Variants in CRB1 observed in about 807,000 individuals in gnomAD.
The protein encoded by CRB1 is protein crumbs homolog 1.
A neutral mutation model predicts 120.0 loss-of-function variants in CRB1; 83 were observed. That is an observed-to-expected ratio of 0.69 (90% confidence interval 0.58 to 0.83). CRB1 has a LOEUF of 0.83. CRB1 is among the 40% of genes least tolerant of loss of function. The probability of loss-of-function intolerance (pLI) is 0.00; values close to 1 mark genes in which losing one functional copy is unlikely to be tolerated. For synonymous variants in CRB1, 625 were observed against 612.5 expected (o/e 1.02, Z -0.30); for missense variants, 1,699 against 1,687.6 (o/e 1.01, Z -0.12).
intron 1 of CRB1, among the ~76,000 whole-genome samples, chr1:197,283,260 GT>G (rs1398143766): frequency 6.7e-6 from 1 of 150,332 alleles, no homozygotes; most frequent in African/African-American, 2.4e-5. Context: ...TTTTTCCTAT[GT>G]TTTTTGGGGG....
intron 11 of CRB1, among the ~76,000 whole-genome samples, chr1:197,475,898 C>G (rs138804945): frequency 6.6e-6 from 1 of 151,934 alleles, no homozygotes; most frequent in South Asian, 2.1e-4. Context: ...TGTCTTCTTG[C>G]GTTTTATGTT....
intron 5 of CRB1, among the ~76,000 whole-genome samples, chr1:197,378,420 T>G (rs915851377): frequency 1.1e-4 from 17 of 152,198 alleles, no homozygotes; most frequent in Admixed American, 1.0e-3. Context: ...TTTTTTCCTC[T>G]CTTTTCTCTT....
chr1:197,426,321 T>C (rs1664580228), intron 6 of CRB1, among the ~76,000 whole-genome samples: 1 of 152,238 alleles, frequency 6.6e-6, no homozygotes, highest in South Asian at 2.1e-4. Context: ...TGCTCAGATA[T>C]CACTTTCTCA....
intron 1 of CRB1, 132 bp downstream of exon 1, chr1:197,268,614 T>G (rs2125194249): frequency 2.9e-6 from 2 of 700,446 alleles, no homozygotes; most frequent in Middle Eastern, 3.1e-4. Flanking sequence ...TGTTTTTTTT[T>G]TAAGTGTCCT....
At chr1:197,464,653 G>A (rs1666676407) in intron 11 of CRB1, among the ~76,000 whole-genome samples, 1 of 151,944 alleles carries the variant, frequency 6.6e-6, no homozygotes, top group Non-Finnish European at 1.5e-5. Context: ...GTCACTAAGA[G>A]GAATACTTTC....
At chr1:197,366,813 A>C (rs1433859856) in intron 5 of CRB1, among the ~76,000 whole-genome samples, 1 of 152,230 alleles carries the variant, frequency 6.6e-6, no homozygotes, top group Non-Finnish European at 1.5e-5. Context: ...TGGTAAGGTA[A>C]TTGAGAAAAA....
intron 5 of CRB1, among the ~76,000 whole-genome samples, chr1:197,380,334 C>G (rs1022523765): frequency 1.3e-5 from 2 of 152,128 alleles, no homozygotes; most frequent in Non-Finnish European, 2.9e-5. Flanking sequence ...TATATTTTGC[C>G]TGTCTCAAAT....
At chr1:197,216,967 G>T in the CRB1 span, among the ~76,000 whole-genome samples, 2 of 151,730 alleles carry the variant, frequency 1.3e-5, no homozygotes, top group East Asian at 3.9e-4. Context: ...TAGAATGGGA[G>T]AAAATATTTG....
chr1:197,367,027 T>C (rs554983568), intron 5 of CRB1, among the ~76,000 whole-genome samples: 6 of 152,238 alleles, frequency 3.9e-5, no homozygotes, highest in Non-Finnish European at 7.3e-5. Context: ...GATTTAAATG[T>C]CTGTGCATTT....
the CRB1 span, among the ~76,000 whole-genome samples, chr1:197,252,053 T>TTTTTTCC: frequency 6.6e-6 from 1 of 151,968 alleles, no homozygotes; most frequent in Non-Finnish European, 1.5e-5. Flanking sequence ...CACAGTTTTG[T>TTTTTTCC]TCATACCTTA....
intron 11 of CRB1, among the ~76,000 whole-genome samples, chr1:197,459,606 C>T (rs1383525344): frequency 2.0e-5 from 3 of 152,054 alleles, no homozygotes; most frequent in East Asian, 3.9e-4. Flanking sequence ...ACCTAATTGG[C>T]CCCATCTTCT....
In CRB1 at chr1:197,358,868, C is replaced by T. The variant is rs577796573; in HGVS notation, c.1171+1855C>T. Among the ~76,000 whole-genome samples the T allele has an allele frequency of 1.5e-4, 23 of 152,172 alleles. No individual in the cohort carries two copies. In the South Asian group the frequency reaches 4.4e-3, roughly 29 times the overall value. On this transcript the variant is annotated intron_variant, in intron 5 of 11. Transcript: ENST00000367400. Reference sequence around the variant, plus strand: ...GAGAAAATCTAGTCTTTCTGTGTACCTAAAATAAAGAGAAAATAAGTTTTG... The same window carrying T: ...GAGAAAATCTAGTCTTTCTGTGTACTTAAAATAAAGAGAAAATAAGTTTTG...
At chr1:197,329,087 C>A in intron 2 of CRB1, 84 bp downstream of exon 2, 1 of 1,207,628 alleles carries the variant, frequency 8.3e-7, no homozygotes, top group Non-Finnish European at 1.2e-6. Flanking sequence ...TTATTTTTCA[C>A]ACAATCATTT....
chr1:197,302,277 G>T (rs1283506188), intron 1 of CRB1, among the ~76,000 whole-genome samples: 2 of 152,146 alleles, frequency 1.3e-5, no homozygotes, highest in Admixed American at 1.3e-4. Flanking sequence ...GCATTTTTTA[G>T]CAATACAGGT....
the CRB1 span, among the ~76,000 whole-genome samples, chr1:197,220,064 A>T: frequency 6.6e-6 from 1 of 152,024 alleles, no homozygotes; most frequent in Non-Finnish European, 1.5e-5. Context: ...TGTTTTTCTG[A>T]TTAGTACATT....
intron 1 of CRB1, among the ~76,000 whole-genome samples, chr1:197,290,946 A>C (rs1296449821): frequency 6.6e-6 from 1 of 151,802 alleles, no homozygotes; most frequent in Non-Finnish European, 1.5e-5. Flanking sequence ...GCTCTAATCA[A>C]GAAAGAATTT....
chr1:197,411,414 T>C (rs2125451084), intron 5 of CRB1, among the ~76,000 whole-genome samples: 1 of 152,336 alleles, frequency 6.6e-6, no homozygotes, highest in Middle Eastern at 3.4e-3. Context: ...TAATTATTAG[T>C]AAATTATTAT....
the CRB1 span, among the ~76,000 whole-genome samples, chr1:197,207,505 G>T: frequency 6.6e-6 from 1 of 151,986 alleles, no homozygotes; most frequent in African/African-American, 2.4e-5. Flanking sequence ...AAAATTCTTG[G>T]CTGATAATTA....
intron 2 of CRB1, among the ~76,000 whole-genome samples, chr1:197,338,888 T>C (rs1659301298): frequency 6.6e-6 from 1 of 152,178 alleles, no homozygotes; most frequent in African/African-American, 2.4e-5. Context: ...AGAAAAATTA[T>C]TTGGTTAAGT....
Sources: allele counts gnomAD v4.1 joint callset (sites outside exome capture counted in the v4.1 genomes callset), GRCh38; gene constraint gnomAD v4.1.1; transcripts MANE v1.5; gene names NCBI Gene and HGNC (gene_info 2026-07-23, HGNC 2026-07-21).